Variants in LARGE1 observed in about 807,000 individuals in gnomAD.
LARGE1 encodes the protein xylosyl- and glucuronyltransferase LARGE1.
A neutral mutation model predicts 87.6 loss-of-function variants in LARGE1; 43 were observed. That is an observed-to-expected ratio of 0.49 (90% CI 0.38 to 0.63). LARGE1 has a LOEUF of 0.63. Ranked by LOEUF, LARGE1 falls within the 30% of genes least tolerant of loss-of-function variation. LARGE1 has a pLI of 0.00. For synonymous variants in LARGE1, 434 were observed against 394.6 expected, an observed-to-expected ratio of 1.10 and a Z score of -1.18; for missense variants, 802 against 1,000.2, an observed-to-expected ratio of 0.80 and a Z score of 2.67.
downstream of LARGE1, among the ~76,000 whole-genome samples, chr22:33,272,127 G>C (rs563709856): frequency 6.6e-6 from 1 of 152,170 alleles, no homozygotes; most frequent in South Asian, 2.1e-4. Context: ...AAATAAAAAG[G>C]CTTTAGGGAA....
intron 7 of LARGE1, among the ~76,000 whole-genome samples, chr22:33,398,350 AG>A (rs1056789236): frequency 4.3e-4 from 65 of 152,286 alleles, no homozygotes; most frequent in African/African-American, 1.6e-3. Flanking sequence ...TTAAAAAAAA[AG>A]GTCAAGGATC....
chr22:33,240,075 C>G (rs892180358), intron 11 of LARGE1, among the ~76,000 whole-genome samples: 1 of 152,166 alleles, frequency 6.6e-6, no homozygotes, highest in Non-Finnish European at 1.5e-5. Flanking sequence ...AACTGCCAAA[C>G]CTTTATTCAT....
the LARGE1 span, among the ~76,000 whole-genome samples, chr22:33,073,665 A>C: frequency 1.2e-4 from 18 of 152,004 alleles, no homozygotes; most frequent in Admixed American, 9.2e-4. Flanking sequence ...CTGGCTTCCC[A>C]TTCACATTCT....
chr22:33,722,335 GGGAGAGGAGAGGA>G (rs1601419878), intron 2 of LARGE1, among the ~76,000 whole-genome samples: 10 of 120,886 alleles, frequency 8.3e-5, no homozygotes, highest in African/African-American at 9.3e-5. Flanking sequence ...AGGAGGGAGA[GGGAGAGGAGAGGA>G]GGGAGAGGGA....
chr22:33,450,490 G>A (rs982489660), intron 6 of LARGE1, among the ~76,000 whole-genome samples: 5 of 151,232 alleles, frequency 3.3e-5, no homozygotes, highest in East Asian at 3.9e-4. Context: ...GCGGGTGCCC[G>A]TAGTCCCAGC....
At chr22:33,379,291 T>G (rs1234094607) in intron 9 of LARGE1, among the ~76,000 whole-genome samples, 1 of 151,122 alleles carries the variant, frequency 6.6e-6, no homozygotes, top group Non-Finnish European at 1.5e-5. Context: ...TACTTTAAGT[T>G]CTAGGGTACA....
intron 6 of LARGE1, among the ~76,000 whole-genome samples, chr22:33,551,993 CAAAAAA>C (rs10674621): frequency 4.1e-5 from 3 of 72,872 alleles, no homozygotes; most frequent in South Asian, 5.6e-4. Context: ...GGCTCCGTCT[CAAAAAA>C]AAAAAAAAAA....
chr22:33,599,202 T>G (rs974340333), intron 5 of LARGE1, among the ~76,000 whole-genome samples: 1 of 152,190 alleles, frequency 6.6e-6, no homozygotes. Context: ...AAGTCAAATA[T>G]CAGCGTCAGC....
At chr22:33,084,186 T>C in the LARGE1 span, among the ~76,000 whole-genome samples, 1 of 152,186 alleles carries the variant, frequency 6.6e-6, no homozygotes, top group African/African-American at 2.4e-5. Context: ...CTCAAAGAAG[T>C]CCTCCTTGGT....
chr22:33,644,159 T>C (rs1041311350), intron 3 of LARGE1, among the ~76,000 whole-genome samples: 1 of 152,142 alleles, frequency 6.6e-6, no homozygotes, highest in Admixed American at 6.5e-5. Context: ...GTGAAAATCC[T>C]CGGTAAAATA....
Position 33,328,153 on chromosome 22 carries a change from T to C in LARGE1, c.1287+9493A>G, listed in dbSNP as rs188588481. Among the ~76,000 whole-genome samples the C allele has an allele frequency of 2.6e-3, 398 of 152,232 alleles. 1 individual carries two copies. The highest frequency in any genetic ancestry group is 9.0e-3 in the African/African-American group (376 of 41,552). ...GGAGTGCTGGGGTATGGGACAGGCA[T>C]TGCAATTTTAGATAGAGGAGTATTT... On this transcript the variant is annotated intron_variant, in intron 10 of 14. Coordinates refer to ENST00000397394, the MANE Select transcript of LARGE1 (RefSeq NM_133642.5).
chr22:33,449,425 T>C (rs2067821979), intron 6 of LARGE1, among the ~76,000 whole-genome samples: 1 of 152,148 alleles, frequency 6.6e-6, no homozygotes, highest in Non-Finnish European at 1.5e-5. Context: ...TGTATTAATA[T>C]AAAGGGGAGG....
intron 11 of LARGE1, among the ~76,000 whole-genome samples, chr22:33,258,037 T>TA (rs1927409697): frequency 6.6e-6 from 1 of 152,040 alleles, no homozygotes. Context: ...TGTATATATA[T>TA]TTTTTTGAGA....
intron 11 of LARGE1, among the ~76,000 whole-genome samples, chr22:33,252,257 C>CAA (rs1328939776): frequency 7.2e-6 from 1 of 138,680 alleles, no homozygotes; most frequent in Non-Finnish European, 1.6e-5. Context: ...TCATTCCCCC[C>CAA]CCCCCCGCCA....
At chr22:33,401,481 A>T (rs2065924414) in intron 7 of LARGE1, among the ~76,000 whole-genome samples, 1 of 152,152 alleles carries the variant, frequency 6.6e-6, no homozygotes. Flanking sequence ...AAAAAAAATA[A>T]AAAGAAAAAG....
chr22:33,508,851 A>G (rs547443716), intron 6 of LARGE1, among the ~76,000 whole-genome samples: 3 of 152,110 alleles, frequency 2.0e-5, no homozygotes, highest in Non-Finnish European at 4.4e-5. Context: ...GAAGTGTGGG[A>G]AAAAACCCAG....
chr22:33,142,934 G>C, the LARGE1 span, among the ~76,000 whole-genome samples: 2 of 152,168 alleles, frequency 1.3e-5, no homozygotes, highest in Admixed American at 6.5e-5. Flanking sequence ...GAGAGAGAGA[G>C]ACATTCGAGG....
At chr22:33,604,392 C>T (rs2079193389) in intron 5 of LARGE1, 43 bp downstream of exon 5, 2 of 1,613,338 alleles carry the variant, frequency 1.2e-6, no homozygotes, top group Non-Finnish European at 1.7e-6. Context: ...ATAACGCTTC[C>T]AGCTAGAGGA....
intron 1 of LARGE1, among the ~76,000 whole-genome samples, chr22:33,831,133 T>A (rs1273260114): frequency 6.7e-6 from 1 of 148,300 alleles, no homozygotes; most frequent in Non-Finnish European, 1.5e-5. Flanking sequence ...AGTCTCGCTC[T>A]GTCGCCTAGC....
Sources: gnomAD v4.1 joint callset for allele counts (sites outside exome capture counted in the v4.1 genomes callset) on GRCh38, gnomAD v4.1.1 for gene constraint, MANE v1.5 for transcripts, NCBI Gene and HGNC (gene_info 2026-07-23, HGNC 2026-07-21) for gene names.